Variants in CLDN10 observed in about 807,000 individuals in gnomAD.
The protein encoded by CLDN10 is claudin-10.
A neutral mutation model predicts 22.9 loss-of-function variants in CLDN10; 15 were observed. That is an observed-to-expected ratio of 0.65 (90% CI 0.44 to 1.01). CLDN10 has a LOEUF of 1.01. Among genes scored for constraint, CLDN10 ranks in the 50% least tolerant of loss-of-function variants. The probability of loss-of-function intolerance (pLI) is 0.00; values close to 1 mark genes in which losing one functional copy is unlikely to be tolerated. For synonymous variants in CLDN10, 114 were observed against 111.4 expected (o/e 1.02, Z -0.15); for missense variants, 247 against 287.8 (o/e 0.86, Z 1.03).
At position 95,484,967 on chromosome 13, in the gene CLDN10, C is replaced by T. The variant is rs553181304; in HGVS notation, c.214+50920C>T. 1.4e-4 allele frequency among the ~76,000 whole-genome samples: 22 copies of T among 152,092 alleles called. No homozygotes were observed. In the South Asian group the frequency reaches 1.7e-3, roughly 11 times the overall value. ...TGATTTAGTTTGCCTCCACTTCACC[C>T]CACTGGTGAGGGAGGGATTCCGCCC... On this transcript the variant is annotated intron_variant, in intron 1 of 4. Coordinates refer to the CLDN10 transcript ENST00000376873.
chr13:95,544,271 C>A (rs1406628863), intron 1 of CLDN10, among the ~76,000 whole-genome samples: 1 of 152,176 alleles, frequency 6.6e-6, no homozygotes, highest in African/African-American at 2.4e-5. Context: ...AACCAAATTT[C>A]ATTGGCTGCT....
At chr13:95,461,368 C>T (rs561000909) in intron 1 of CLDN10, among the ~76,000 whole-genome samples, 5 of 152,320 alleles carry the variant, frequency 3.3e-5, no homozygotes, top group Admixed American at 6.5e-5. Context: ...TGGAGTCATT[C>T]AGGAGAGGAA....
At chr13:95,533,051 A>G (rs970289312) in intron 1 of CLDN10, among the ~76,000 whole-genome samples, 6 of 151,984 alleles carry the variant, frequency 3.9e-5, no homozygotes, top group African/African-American at 1.4e-4. Flanking sequence ...AGATGTATGC[A>G]TTTGTCAAAA....
At chr13:95,536,229 T>A (rs1480987315) in intron 1 of CLDN10, among the ~76,000 whole-genome samples, 1 of 148,610 alleles carries the variant, frequency 6.7e-6, no homozygotes, top group African/African-American at 2.5e-5. Context: ...AGCAGAAAGA[T>A]CACCTGAGGT....
intron 3 of CLDN10, among the ~76,000 whole-genome samples, chr13:95,564,983 T>A (rs950329884): frequency 3.9e-5 from 6 of 152,234 alleles, no homozygotes; most frequent in African/African-American, 1.4e-4. Flanking sequence ...TCCCTTTTGT[T>A]TTGCTTTTTT....
At chr13:95,529,802 G>A (rs2043321837) in intron 1 of CLDN10, among the ~76,000 whole-genome samples, 1 of 151,972 alleles carries the variant, frequency 6.6e-6, no homozygotes, top group African/African-American at 2.4e-5. Flanking sequence ...ATAATTTAGG[G>A]TTTAAGATTG....
At chr13:95,560,643 A>T (rs971742258) in intron 3 of CLDN10, 180 bp downstream of exon 3, 1 of 598,948 alleles carries the variant, frequency 1.7e-6, no homozygotes. Context: ...ATATGCATTT[A>T]ATTAGTTTGC....
intron 1 of CLDN10, among the ~76,000 whole-genome samples, chr13:95,473,828 T>G (rs2042659348): frequency 6.6e-6 from 1 of 152,226 alleles, no homozygotes; most frequent in Non-Finnish European, 1.5e-5. Flanking sequence ...AGGCCAGCTC[T>G]GCCGCCAGGC....
At chr13:95,528,580 C>G (rs2043309538) in intron 1 of CLDN10, 1 of 152,132 alleles carries the variant, frequency 6.6e-6, no homozygotes, top group South Asian at 2.1e-4. Flanking sequence ...GATGGATGAT[C>G]CAACCATCTG....
At chr13:95,521,190 T>C (rs2043220961) in intron 1 of CLDN10, among the ~76,000 whole-genome samples, 1 of 152,214 alleles carries the variant, frequency 6.6e-6, no homozygotes, top group South Asian at 2.1e-4. Context: ...TTTTCTTGCC[T>C]ACAACACTGG....
chr13:95,488,104 C>A (rs1020419255), intron 1 of CLDN10, among the ~76,000 whole-genome samples: 2 of 151,884 alleles, frequency 1.3e-5, no homozygotes, highest in African/African-American at 4.8e-5. Context: ...TCTACCTCAG[C>A]CTCCCAAGGA....
chr13:95,442,826 G>T (rs891541400), intron 1 of CLDN10, among the ~76,000 whole-genome samples: 3 of 152,180 alleles, frequency 2.0e-5, no homozygotes, highest in Admixed American at 6.5e-5. Flanking sequence ...CTTCTCATTT[G>T]CAAATGGAGG....
chr13:95,466,977 T>C (rs1487230820), intron 1 of CLDN10, among the ~76,000 whole-genome samples: 4 of 150,262 alleles, frequency 2.7e-5, no homozygotes, highest in Non-Finnish European at 4.4e-5. Flanking sequence ...CCTTGGTTCA[T>C]GCCATTCTCC....
At chr13:95,463,111 T>C (rs537503823) in intron 1 of CLDN10, among the ~76,000 whole-genome samples, 25 of 151,850 alleles carry the variant, frequency 1.6e-4, no homozygotes, top group African/African-American at 5.3e-4. Flanking sequence ...TCTATAATAA[T>C]ATCCTTAAGG....
rs1470257636 is a variant in CLDN10, at chr13:95,504,092, A to G, written c.215-56040A>G. Among the ~76,000 whole-genome samples the G allele has an allele frequency of 3.3e-5, 5 of 152,236 alleles. No individual in the cohort carries two copies. The East Asian group carries it at 7.7e-4, about 23-fold the overall frequency. On this transcript the variant is annotated intron_variant, in intron 1 of 4. Coordinates refer to the CLDN10 transcript ENST00000376873. The stretch of plus-strand genomic sequence containing the variant: ...CTTAAAATATTTCCTGGATTTGGTC[A>G]TTGAAAAGAGTTTGAAGTAGAGATT...
At chr13:95,487,021 G>A (rs948948108) in intron 1 of CLDN10, among the ~76,000 whole-genome samples, 11 of 152,212 alleles carry the variant, frequency 7.2e-5, no homozygotes, top group Non-Finnish European at 1.5e-4. Context: ...TGTTTCGCAC[G>A]GATTTGAACT....
chr13:95,480,165 C>T (rs918624415), intron 1 of CLDN10, among the ~76,000 whole-genome samples: 3 of 152,010 alleles, frequency 2.0e-5, no homozygotes, highest in African/African-American at 7.3e-5. Flanking sequence ...GACTCACGAT[C>T]ACAAAAACAG....
chr13:95,534,361 A>G (rs1278392488), intron 1 of CLDN10, among the ~76,000 whole-genome samples: 1 of 152,210 alleles, frequency 6.6e-6, no homozygotes, highest in East Asian at 1.9e-4. Context: ...GATTTGTTAA[A>G]ATCAAAAGAG....
intron 1 of CLDN10, among the ~76,000 whole-genome samples, chr13:95,449,239 G>A (rs2042410107): frequency 6.6e-6 from 1 of 152,040 alleles, no homozygotes; most frequent in South Asian, 2.1e-4. Flanking sequence ...AACTCTGTCT[G>A]TGTTTCAGTT....
Sources: gnomAD v4.1 joint callset for allele counts (sites outside exome capture counted in the v4.1 genomes callset) on GRCh38, gnomAD v4.1.1 for gene constraint, MANE v1.5 for transcripts, NCBI Gene and HGNC (gene_info 2026-07-23, HGNC 2026-07-21) for gene names.